Variants in SI observed in about 807,000 individuals in gnomAD.
The protein encoded by SI is sucrase-isomaltase, intestinal.
In SI, 235 loss-of-function variants were observed where a neutral mutation model predicts 253.3. The observed-to-expected ratio is 0.93, with a 90% CI of 0.83 to 1.03. The LOEUF (loss-of-function observed/expected upper bound fraction) is 1.03, where lower values mean the gene tolerates loss of function less well. Among genes scored for constraint, SI ranks in the 50% least tolerant of loss-of-function variants. The pLI is 0.00. For synonymous variants in SI, 819 were observed against 712.0 expected, an observed-to-expected ratio of 1.15 and a Z score of -2.39; for missense variants, 2,442 against 2,211.1, an observed-to-expected ratio of 1.10 and a Z score of -2.09.
chr3:165,040,868 C>T, intron 18 of SI, 72 bp downstream of exon 18: 1 of 1,220,194 alleles, frequency 8.2e-7, no homozygotes. Flanking sequence ...GATTTACCTC[C>T]ATTAAACTTT....
In SI at chr3:165,069,959, A is replaced by C. The variant is rs560880823; in HGVS notation, c.256-764T>G. Among the ~76,000 whole-genome samples, 212 of 150,814 alleles carry C rather than the reference A, an allele frequency of 1.4e-3. 2 individuals are homozygous for C. Among genetic ancestry groups the C allele is most frequent in the African/African-American group, 5.0e-3 (208 of 41,274 alleles). Reference sequence around the variant, plus strand: ...CCCTTTGCTTACTTTCCATGAAAATAAGTTTTTAAAAGCCTCCATTTTAAT... The same window carrying C: ...CCCTTTGCTTACTTTCCATGAAAATCAGTTTTTAAAAGCCTCCATTTTAAT... On this transcript the variant is annotated intron_variant, in intron 3 of 47. Transcript: ENST00000264382.
chr3:165,025,368 T>A (rs1436302691), intron 25 of SI, among the ~76,000 whole-genome samples: 1 of 151,144 alleles, frequency 6.6e-6, no homozygotes, highest in Non-Finnish European at 1.5e-5. Context: ...TGACCAAACC[T>A]AAGAATAGCT....
chr3:165,081,198 CAT>C (rs1715310349), upstream of SI, among the ~76,000 whole-genome samples: 2 of 150,988 alleles, frequency 1.3e-5, no homozygotes, highest in African/African-American at 4.8e-5. Flanking sequence ...TAACTTAAAA[CAT>C]ATCATTTTAT....
At position 165,049,140 on chromosome 3, in the gene SI, T is replaced by C. The variant is rs1161612078; in HGVS notation, c.1702A>G (p.Ile568Val). Reference sequence around the variant, plus strand: ...AATTGCACTTACTGCTCTGTGGCTATAGCCATGCTGTATCCATAGAGGCTA... The same window carrying C: ...AATTGCACTTACTGCTCTGTGGCTACAGCCATGCTGTATCCATAGAGGCTA... ...VHSLYGYSMA[I>V]ATEQAVQKVF... Residue 568 changes from isoleucine to valine, a missense_variant, in exon 15 of 48, where the codon ATA (isoleucine) becomes GTA (valine). By Grantham distance (29) the Ile-to-Val change is conservative. Coordinates refer to ENST00000264382, the MANE Select transcript of SI (RefSeq NM_001041.4). 3.8e-6 allele frequency: 6 copies of C among 1,567,900 alleles called. No individual in the cohort carries two copies. Among genetic ancestry groups the C allele is most frequent in the Admixed American group, 1.7e-5 (1 of 59,924 alleles).
rs1420809369 is a variant in SI at position 165,039,116 on chromosome 3, C to T, written c.2263G>A (p.Ala755Thr). The T allele has an allele frequency of 1.3e-6, 2 of 1,592,856 alleles. No individual in the cohort carries two copies. Among genetic ancestry groups the T allele is most frequent in the Non-Finnish European group, 8.6e-7 (1 of 1,162,370 alleles). ...TACCAAATAGCATCAGGGATGTAGGCACTCACAGTATCTGCTCCCTAAAAT... is the reference window on the plus strand; with the variant it reads ...TACCAAATAGCATCAGGGATGTAGGTACTCACAGTATCTGCTCCCTAAAAT... ...VLKQGADTVS[A>T]YIPDAIWYDY... The change falls in exon 20 of 48, where the codon GCC becomes ACC. Residue 755 changes from alanine (A) to threonine (T), a missense_variant. By Grantham distance (58) the Ala-to-Thr change is moderately conservative. Coordinates refer to ENST00000264382, the MANE Select transcript of SI (RefSeq NM_001041.4).
rs1714436673 is a variant in SI at position 165,069,731 on chromosome 3, T to A, written c.256-536A>T. Among the ~76,000 whole-genome samples the A allele has an allele frequency of 2.6e-5, 4 of 152,124 alleles. 1 individual carries two copies. In the South Asian group the frequency reaches 8.3e-4, roughly 31 times the overall value. On this transcript the variant is annotated intron_variant, in intron 3 of 47. Transcript: ENST00000264382. The stretch of plus-strand genomic sequence containing the variant: ...AAGTAGTTGCTGCAATAGCATTCAA[T>A]TAATAAAGCAAAATACTGAATTCTC...
At chr3:165,082,892 G>C (rs375048541), upstream of SI, among the ~76,000 whole-genome samples, 5 of 152,012 alleles carry the variant, frequency 3.3e-5, 1 homozygote, top group East Asian at 7.7e-4. Context: ...CTTATTATAG[G>C]ATTTAGACTT....
At chr3:165,046,069 G>T (rs777754391) in intron 16 of SI, among the ~76,000 whole-genome samples, 1 of 151,796 alleles carries the variant, frequency 6.6e-6, no homozygotes, top group Non-Finnish European at 1.5e-5. Context: ...GACCTCAAGT[G>T]ATCCACCTAC....
chr3:165,013,066 A>G, intron 33 of SI, 24 bp from the exon 34 acceptor site: 2 of 1,488,054 alleles, frequency 1.3e-6, no homozygotes, highest in Non-Finnish European at 1.9e-6. Flanking sequence ...GACATGGAAA[A>G]GCTGATCAAA....
chr3:165,068,609 G>A (rs1387859642), intron 5 of SI, 113 bp downstream of exon 5: 4 of 778,884 alleles, frequency 5.1e-6, no homozygotes, highest in Non-Finnish European at 9.3e-6. Context: ...TCCTGACCTT[G>A]TGATCCGCCC....
intron 47 of SI, among the ~76,000 whole-genome samples, chr3:164,980,087 A>G (rs1717108654): frequency 6.6e-6 from 1 of 151,784 alleles, no homozygotes; most frequent in African/African-American, 2.4e-5. Flanking sequence ...TCTGTGCTTT[A>G]GCTCAGAAAG....
chr3:165,026,729 C>CA (rs908539406), intron 25 of SI, among the ~76,000 whole-genome samples: 22 of 151,234 alleles, frequency 1.5e-4, no homozygotes, highest in African/African-American at 5.1e-4. Context: ...ATCATTGGGT[C>CA]AAAAATAAAA....
rs114424394 is a variant in SI, at chr3:165,012,024, G to A, written c.4062+956C>T. On this transcript the variant is annotated intron_variant, in intron 34 of 47. Transcript: ENST00000264382. ...GTCTTAAAATGTATTTTCTCTGATA[G>A]AACTATAGCCACTCCTGTTCCCTTC... Among the ~76,000 whole-genome samples, 514 of 152,014 alleles carry A rather than the reference G, an allele frequency of 3.4e-3. 5 individuals are homozygous for A. The highest frequency in any genetic ancestry group is 0.012 in the African/African-American group (497 of 41,472).
intron 24 of SI, 82 bp from the exon 25 acceptor site, chr3:165,030,949 T>G: frequency 6.9e-7 from 1 of 1,457,096 alleles, no homozygotes; most frequent in Non-Finnish European, 9.1e-7. Context: ...ATCTGATCAT[T>G]GGATGATTTA....
At chr3:164,996,144 C>T (rs575102032) in intron 40 of SI, among the ~76,000 whole-genome samples, 13 of 151,780 alleles carry the variant, frequency 8.6e-5, no homozygotes, top group South Asian at 2.1e-4. Context: ...GTTTCCAGTG[C>T]GGGGACCATG....
At chr3:165,088,213 G>T in the SI span, among the ~76,000 whole-genome samples, 1 of 152,136 alleles carries the variant, frequency 6.6e-6, no homozygotes, top group South Asian at 2.1e-4. Flanking sequence ...GGGCATGGTG[G>T]CACATGCCTG....
At chr3:165,028,273 C>CTACAA (rs1712030952) in intron 25 of SI, among the ~76,000 whole-genome samples, 1 of 151,366 alleles carries the variant, frequency 6.6e-6, no homozygotes, top group South Asian at 2.1e-4. Context: ...AAACTACAAA[C>CTACAA]ACTACTGAAA....
In SI at chr3:165,068,856, A is replaced by G. The variant is rs562304173; in HGVS notation, c.374-25T>C. The G allele has an allele frequency of 2.8e-6, 4 of 1,418,618 alleles. No individual in the cohort carries two copies. The South Asian group carries it at 4.6e-5, about 16-fold the overall frequency. 87.9% of individuals were successfully genotyped at this position (1,418,618 alleles called of 1,614,324 possible). ...CCTTAAAGAATAAAAAAAAGCTGCC[A>G]TGAGTGACTTGATTTATAATGTTAA... On this transcript the variant is annotated intron_variant, in intron 4 of 47. Transcript: ENST00000264382.
At chr3:164,993,188 C>T (rs1717853563) in intron 41 of SI, among the ~76,000 whole-genome samples, 1 of 151,678 alleles carries the variant, frequency 6.6e-6, no homozygotes, top group Non-Finnish European at 1.5e-5. Context: ...AATAATATTT[C>T]TGACTAGTGA....
Sources: allele counts gnomAD v4.1 joint callset (sites outside exome capture counted in the v4.1 genomes callset), GRCh38; gene constraint gnomAD v4.1.1; transcripts MANE v1.5; gene names NCBI Gene and HGNC (gene_info 2026-07-23, HGNC 2026-07-21).